The following PWWP2A variants were observed in gnomAD, a reference collection of about 807,000 sequenced individuals.
PWWP2A encodes the protein PWWP domain containing 2A, also known as PWWP domain-containing protein 2A.
A neutral mutation model predicts 48.5 loss-of-function variants in PWWP2A; 18 were observed. The observed-to-expected ratio is 0.37, with a 90% CI of 0.26 to 0.55. The LOEUF is 0.55. PWWP2A is among the 20% of genes least tolerant of loss of function. The pLI, the probability that PWWP2A is intolerant of heterozygous loss-of-function variation, is 0.81. For missense variants in PWWP2A, 867 were observed against 976.4 expected (o/e 0.89, Z 1.49); for synonymous variants, 396 against 387.7 (o/e 1.02, Z -0.25).
At chr5:160,047,350 T>C in the PWWP2A span, among the ~76,000 whole-genome samples, 3 of 152,222 alleles carry the variant, frequency 2.0e-5, no homozygotes, top group South Asian at 6.2e-4. Context: ...GAGTCATCCC[T>C]GATTGTTCTT....
chr5:160,091,127 A>G, downstream of PWWP2A: 1 of 982,972 alleles, frequency 1.0e-6, no homozygotes, highest in Non-Finnish European at 1.2e-6. Flanking sequence ...TAAAAGCATT[A>G]TCAAACCTCT....
At chr5:160,063,881 C>G (rs1466742148) in intron 4 of PWWP2A, among the ~76,000 whole-genome samples, 2 of 151,452 alleles carry the variant, frequency 1.3e-5, no homozygotes, top group African/African-American at 2.4e-5. Context: ...GGCTCAAACC[C>G]TCCTCTTGCC....
At chr5:160,058,026 C>T (rs1757589765), downstream of PWWP2A, among the ~76,000 whole-genome samples, 3 of 152,304 alleles carry the variant, frequency 2.0e-5, no homozygotes, top group South Asian at 6.2e-4. Context: ...CTCAGCCTCC[C>T]AAAGTGCTGG....
the PWWP2A span, among the ~76,000 whole-genome samples, chr5:160,053,436 C>T: frequency 6.6e-6 from 1 of 152,036 alleles, no homozygotes; most frequent in African/African-American, 2.4e-5. Flanking sequence ...TGCTGGTGTG[C>T]ACCTGTAGTC....
Position 160,093,037 on chromosome 5 carries a change from T to C in PWWP2A, c.1613A>G (p.Gln538Arg). ...AGGCACATGCACTTCATTTGTGTCC[T>C]GAACCTCACTGCTGGCCTCTTCAGG... ...KGPEEASSEV[Q>R]DTNEVHVPGD... The change falls in exon 2 of 2, where the codon CAG (glutamine) becomes CGG (arginine). Residue 538 changes from glutamine to arginine, a missense_variant. This residue lies in a region of PWWP2A where 382 missense variants were observed against 407.2 expected (regional missense o/e 0.94). Transcript: ENST00000307063. The surrounding 1 kb of genome is among the most constrained non-coding windows in gnomAD (Gnocchi z 5.8). 1.9e-6 allele frequency: 3 copies of C among 1,605,366 alleles called. No individual in the cohort carries two copies. Among genetic ancestry groups the C allele is most frequent in the Non-Finnish European group, 2.6e-6 (3 of 1,175,938 alleles).
intron 1 of PWWP2A, among the ~76,000 whole-genome samples, chr5:160,116,039 T>C (rs901278234): frequency 5.9e-5 from 9 of 152,024 alleles, no homozygotes; most frequent in African/African-American, 2.2e-4. Flanking sequence ...AATTGCTAAA[T>C]TTTAGTGTTT....
chr5:160,060,477 A>G (rs181398789), downstream of PWWP2A, among the ~76,000 whole-genome samples: 12 of 152,350 alleles, frequency 7.9e-5, no homozygotes, highest in Admixed American at 6.5e-4. Context: ...ACGAGATCCT[A>G]ATAGTTCAGG....
At chr5:160,089,502 G>T, downstream of PWWP2A, 1 of 1,260,030 alleles carries the variant, frequency 7.9e-7, no homozygotes. Context: ...ATGACCCACC[G>T]CACCTGGCCT....
intron 1 of PWWP2A, among the ~76,000 whole-genome samples, chr5:160,099,634 A>T (rs1164198168): frequency 1.3e-5 from 2 of 151,952 alleles, no homozygotes; most frequent in African/African-American, 4.8e-5. Context: ...AAATTCTTTT[A>T]AAATAAATAT....
downstream of PWWP2A, among the ~76,000 whole-genome samples, chr5:160,072,647 T>C (rs1311830407): frequency 1.3e-5 from 2 of 152,170 alleles, no homozygotes; most frequent in East Asian, 1.9e-4. Context: ...GGAAGACCAC[T>C]TGAACCACAA....
chr5:160,091,432 C>G lies in PWWP2A; in HGVS notation c.*950G>C. The G allele has an allele frequency of 1.1e-6, 1 of 922,282 alleles. No individual in the cohort carries two copies. The highest frequency in any genetic ancestry group is 1.3e-6 in the Non-Finnish European group (1 of 796,676). 57.1% of individuals were successfully genotyped at this position (922,282 alleles called of 1,614,324 possible). On this transcript the variant is annotated 3_prime_UTR_variant, in exon 2 of 2. Coordinates refer to ENST00000307063, the MANE Select transcript of PWWP2A (RefSeq NM_001130864.2). Reference sequence around the variant, plus strand: ...TTACACAATTACATTTTCTCATTTTCTGACCTGCAAACAGATACCTTAAAC... The same window carrying G: ...TTACACAATTACATTTTCTCATTTTGTGACCTGCAAACAGATACCTTAAAC...
In PWWP2A at chr5:160,091,376, G is replaced by GTTTTTTTTTT. The variant is rs368598091; in HGVS notation, c.*996_*1005dup. ...TGATTTTATTTACAGCTTTTTTTTG[G>GTTTTTTTTTT]TTTTTTTTTTTTTTTTTACATTTCA... On this transcript the variant is annotated 3_prime_UTR_variant, in exon 2 of 2. Coordinates refer to ENST00000307063, the MANE Select transcript of PWWP2A (RefSeq NM_001130864.2). 1.4e-6 allele frequency: 1 copy of GTTTTTTTTTT among 706,958 alleles called. No individual in the cohort carries two copies. Among genetic ancestry groups the GTTTTTTTTTT allele is most frequent in the Non-Finnish European group, 1.7e-6 (1 of 590,130 alleles). The allele number at this position is 706,958 out of a possible 1,614,324, so 43.8% of individuals were successfully genotyped here.
intron 1 of PWWP2A, among the ~76,000 whole-genome samples, chr5:160,102,102 C>G (rs1756369943): frequency 7.6e-6 from 1 of 131,090 alleles, no homozygotes; most frequent in Admixed American, 8.3e-5. Flanking sequence ...AAGAGTGAAA[C>G]TTGGTGTCAA....
downstream of PWWP2A, chr5:160,090,384 C>T (rs1754966257): frequency 2.0e-6 from 2 of 983,206 alleles, no homozygotes; most frequent in Non-Finnish European, 2.4e-6. Context: ...TTTAAAAACA[C>T]CTGATTGAAC....
chr5:160,081,001 G>A (rs534961488), intron 2 of PWWP2A, among the ~76,000 whole-genome samples: 136 of 152,258 alleles, frequency 8.9e-4, no homozygotes, highest in African/African-American at 2.7e-3. Flanking sequence ...GGCACTCTCC[G>A]GCTCAAGTCA....
intron 1 of PWWP2A, among the ~76,000 whole-genome samples, chr5:160,103,397 A>G (rs1285108084): frequency 6.6e-6 from 1 of 152,076 alleles, no homozygotes; most frequent in South Asian, 2.1e-4. Context: ...ACACAGTGAG[A>G]CCCCCATCTC....
intron 1 of PWWP2A, among the ~76,000 whole-genome samples, chr5:160,106,820 CTTT>C (rs764479391): frequency 5.0e-5 from 6 of 119,750 alleles, no homozygotes; most frequent in Admixed American, 1.8e-4. Flanking sequence ...AACCATTAAC[CTTT>C]TTTTTTTTTT....
chr5:160,103,026 T>C (rs1756476208), intron 1 of PWWP2A, among the ~76,000 whole-genome samples: 1 of 152,230 alleles, frequency 6.6e-6, no homozygotes, highest in African/African-American at 2.4e-5. Flanking sequence ...ACTGTGGCTA[T>C]AGTTTTCCTT....
the PWWP2A span, among the ~76,000 whole-genome samples, chr5:160,046,631 A>G: frequency 6.6e-5 from 10 of 152,238 alleles, no homozygotes; most frequent in Non-Finnish European, 1.2e-4. Context: ...TGTTTATGTT[A>G]TATACCATAA....
Sources: allele counts gnomAD v4.1 joint callset (sites outside exome capture counted in the v4.1 genomes callset), GRCh38; gene constraint gnomAD v4.1.1; regional missense constraint gnomAD v4.1.1; non-coding constraint Gnocchi (gnomAD v3.1); transcripts MANE v1.5; gene names NCBI Gene and HGNC (gene_info 2026-07-23, HGNC 2026-07-21).